The following KCNG3 variants were observed in gnomAD, a reference collection of about 807,000 sequenced individuals.
KCNG3 encodes the protein voltage-gated potassium channel regulatory subunit KCNG3.
A neutral mutation model predicts 29.0 loss-of-function variants in KCNG3; 15 were observed. The ratio of observed to expected loss-of-function variants is 0.52; its 90% CI spans 0.35 to 0.80. The LOEUF is 0.80. Among genes scored for constraint, KCNG3 ranks in the 30% least tolerant of loss-of-function variants. The pLI, the probability that KCNG3 is intolerant of heterozygous loss-of-function variation, is 0.01. For synonymous variants in KCNG3, 322 were observed against 248.9 expected (o/e 1.29, Z -2.76); for missense variants, 512 against 605.7 (o/e 0.85, Z 1.62).
the KCNG3 span, among the ~76,000 whole-genome samples, chr2:42,402,496 G>C: frequency 6.6e-6 from 1 of 152,252 alleles, no homozygotes; most frequent in South Asian, 2.1e-4. Context: ...GACCAGCCTG[G>C]GCAACATAGT....
intron 1 of KCNG3, among the ~76,000 whole-genome samples, chr2:42,469,341 C>T (rs755146676): frequency 1.3e-5 from 2 of 149,922 alleles, no homozygotes; most frequent in Admixed American, 1.3e-4. Flanking sequence ...CGCTTGAACC[C>T]AAGAGGCGGA....
At chr2:42,419,069 C>T in the KCNG3 span, among the ~76,000 whole-genome samples, 2 of 151,930 alleles carry the variant, frequency 1.3e-5, no homozygotes, top group Non-Finnish European at 2.9e-5. Context: ...TAGTAAAATG[C>T]TACCCTTGTG....
At chr2:42,410,180 G>A in the KCNG3 span, among the ~76,000 whole-genome samples, 1 of 152,156 alleles carries the variant, frequency 6.6e-6, no homozygotes, top group Non-Finnish European at 1.5e-5. Flanking sequence ...ATTGTTGGAT[G>A]TCTCAGATGT....
intron 1 of KCNG3, among the ~76,000 whole-genome samples, chr2:42,451,551 C>A (rs2103673203): frequency 6.6e-6 from 1 of 151,902 alleles, no homozygotes; most frequent in Non-Finnish European, 1.5e-5. Flanking sequence ...ATGGTGAAAC[C>A]CCGTCTCTAC....
intron 1 of KCNG3, among the ~76,000 whole-genome samples, chr2:42,482,114 A>G (rs570780677): frequency 1.9e-4 from 29 of 152,266 alleles, no homozygotes; most frequent in Non-Finnish European, 3.7e-4. Context: ...TTATGTATTT[A>G]TTTAATAGAA....
chr2:42,424,005 G>C, the KCNG3 span, among the ~76,000 whole-genome samples: 1 of 152,118 alleles, frequency 6.6e-6, no homozygotes, highest in African/African-American at 2.4e-5. Flanking sequence ...CCCAAGTAAA[G>C]TCAACTTCAA....
chr2:42,433,465 G>A, the KCNG3 span, among the ~76,000 whole-genome samples: 4 of 152,316 alleles, frequency 2.6e-5, 1 homozygote, highest in South Asian at 8.3e-4. Flanking sequence ...AGGGCCAGGG[G>A]TGGTGGCTCA....
the KCNG3 span, among the ~76,000 whole-genome samples, chr2:42,408,693 C>T: frequency 2.0e-5 from 3 of 152,178 alleles, no homozygotes; most frequent in East Asian, 1.9e-4. Flanking sequence ...TCACCCTCTG[C>T]TTGTCTGCAT....
the KCNG3 span, among the ~76,000 whole-genome samples, chr2:42,403,856 C>G: frequency 1.3e-5 from 2 of 152,088 alleles, no homozygotes; most frequent in African/African-American, 2.4e-5. Flanking sequence ...CCATCTAGGC[C>G]TCCCAAAGTG....
intron 1 of KCNG3, among the ~76,000 whole-genome samples, chr2:42,465,025 G>A (rs963891506): frequency 6.6e-6 from 1 of 152,124 alleles, no homozygotes; most frequent in Non-Finnish European, 1.5e-5. Context: ...GAGTTCAACT[G>A]TTTTATCAGT....
At position 42,483,035 on chromosome 2, in the gene KCNG3, C is replaced by A. The variant is rs949041379; in HGVS notation, c.665+9802G>T. 2.0e-5 allele frequency among the ~76,000 whole-genome samples: 3 copies of A among 151,954 alleles called. No homozygotes were observed. In the East Asian group the frequency reaches 5.8e-4, roughly 29 times the overall value. Reference sequence around the variant, plus strand: ...ACTTGGGAGGCTACAGTGGGAGGATCGCCAGAGCCAGGGAGGCAGAGGTTG... The same window carrying A: ...ACTTGGGAGGCTACAGTGGGAGGATAGCCAGAGCCAGGGAGGCAGAGGTTG... On this transcript the variant is annotated intron_variant, in intron 1 of 1. Coordinates refer to ENST00000306078, the MANE Select transcript of KCNG3 (RefSeq NM_133329.6).
intron 1 of KCNG3, among the ~76,000 whole-genome samples, chr2:42,452,345 C>T (rs1314051791): frequency 6.7e-6 from 1 of 150,148 alleles, no homozygotes; most frequent in Non-Finnish European, 1.5e-5. Context: ...TCACCTAAAG[C>T]ATTTATCCTT....
the KCNG3 span, among the ~76,000 whole-genome samples, chr2:42,394,605 T>G: frequency 1.3e-5 from 2 of 152,224 alleles, no homozygotes; most frequent in South Asian, 4.1e-4. Context: ...GTCAGCCCAC[T>G]GCTCACTGAG....
intron 1 of KCNG3, among the ~76,000 whole-genome samples, chr2:42,491,789 G>A (rs1673883207): frequency 6.6e-6 from 1 of 152,178 alleles, no homozygotes; most frequent in East Asian, 1.9e-4. Context: ...CACTGCAATA[G>A]CAAGGCCGCC....
chr2:42,477,030 T>TA (rs925604415), intron 1 of KCNG3, among the ~76,000 whole-genome samples: 59 of 130,010 alleles, frequency 4.5e-4, no homozygotes, highest in Non-Finnish European at 6.0e-4. Flanking sequence ...CTAAAAAATA[T>TA]AAAAAAAAAA....
chr2:42,433,868 T>C, the KCNG3 span, among the ~76,000 whole-genome samples: 1 of 152,238 alleles, frequency 6.6e-6, no homozygotes, highest in Non-Finnish European at 1.5e-5. Flanking sequence ...GGGACATCAG[T>C]ATTCCAGGCT....
chr2:42,401,383 G>T, the KCNG3 span, among the ~76,000 whole-genome samples: 1 of 150,398 alleles, frequency 6.6e-6, no homozygotes, highest in South Asian at 2.1e-4. Context: ...GGAGAAAGGA[G>T]CTGAAATATT....
At chr2:42,401,840 C>T in the KCNG3 span, among the ~76,000 whole-genome samples, 2 of 152,062 alleles carry the variant, frequency 1.3e-5, no homozygotes, top group South Asian at 4.1e-4. Context: ...GCCAAGCTTG[C>T]GCCACTGTAC....
At chr2:42,398,338 T>G in the KCNG3 span, among the ~76,000 whole-genome samples, 3,046 of 152,164 alleles carry the variant, frequency 0.02, 51 homozygotes, top group Non-Finnish European at 0.031. Flanking sequence ...TTTGCCATGG[T>G]TGCTTCCATC....
Sources: allele counts gnomAD v4.1 joint callset (sites outside exome capture counted in the v4.1 genomes callset), GRCh38; gene constraint gnomAD v4.1.1; transcripts MANE v1.5; gene names NCBI Gene and HGNC (gene_info 2026-07-23, HGNC 2026-07-21).